Variants in NPSR1 observed in about 807,000 individuals in gnomAD.
NPSR1 encodes the protein neuropeptide S receptor 1.
NPSR1 carries 48 observed loss-of-function variants against 46.9 expected under a neutral mutation model. The ratio of observed to expected loss-of-function variants is 1.02; its 90% CI spans 0.81 to 1.30. NPSR1 has a LOEUF of 1.30. Ranked by LOEUF, NPSR1 falls within the 50% of genes most tolerant of loss-of-function variation. NPSR1 has a pLI of 0.00. For missense variants in NPSR1, 450 were observed against 449.5 expected (o/e 1.00, Z -0.01); for synonymous variants, 176 against 168.1 (o/e 1.05, Z -0.36).
At chr7:34,671,161 G>A (rs1385397231) in intron 1 of NPSR1, among the ~76,000 whole-genome samples, 4 of 150,458 alleles carry the variant, frequency 2.7e-5, no homozygotes, top group African/African-American at 5.0e-5. Context: ...ATTTCTCTTT[G>A]TGCAATGTTA....
intron 2 of NPSR1, among the ~76,000 whole-genome samples, chr7:34,734,416 G>A (rs148576619): frequency 3.3e-5 from 5 of 152,054 alleles, no homozygotes; most frequent in Non-Finnish European, 7.4e-5. Flanking sequence ...TGGAGAAACA[G>A]GCAGGCCTCA....
intron 1 of NPSR1, 120 bp from the exon 2 acceptor site, chr7:34,684,432 A>G (rs1346811830): frequency 3.1e-5 from 28 of 894,018 alleles, no homozygotes; most frequent in African/African-American, 5.1e-5. Flanking sequence ...TCTTGAGAGT[A>G]GAGCTTCCAA....
intron 4 of NPSR1, among the ~76,000 whole-genome samples, chr7:34,820,574 A>G (rs1789502725): frequency 6.6e-6 from 1 of 152,226 alleles, no homozygotes; most frequent in Non-Finnish European, 1.5e-5. Context: ...ATCAGTGACA[A>G]TGGACAAAGC....
chr7:34,831,475 G>A (rs558205589), intron 5 of NPSR1, among the ~76,000 whole-genome samples: 2 of 152,174 alleles, frequency 1.3e-5, no homozygotes, highest in South Asian at 4.2e-4. Flanking sequence ...AAGGAGGGGG[G>A]AAGAAAGGGA....
chr7:34,870,622 T>C (rs1377886555), intron 8 of NPSR1, among the ~76,000 whole-genome samples: 1 of 151,748 alleles, frequency 6.6e-6, no homozygotes, highest in Non-Finnish European at 1.5e-5. Context: ...ATAACTGAGT[T>C]AATGGGGTGC....
intron 2 of NPSR1, chr7:34,751,589 G>A (rs33913770): frequency 0.13 from 215,040 of 1,593,136 alleles, 15,829 homozygotes; most frequent in Non-Finnish European, 0.14. Flanking sequence ...TGTTCTTCCC[G>A]GAGAACTCGG....
At chr7:34,852,295 G>A (rs1314295185), downstream of NPSR1, among the ~76,000 whole-genome samples, 5 of 151,980 alleles carry the variant, frequency 3.3e-5, no homozygotes, top group Admixed American at 2.0e-4. Context: ...GCGAGAATCC[G>A]TCTCAAGGAA....
At chr7:34,737,133 C>T (rs1311472773) in intron 2 of NPSR1, among the ~76,000 whole-genome samples, 1 of 152,046 alleles carries the variant, frequency 6.6e-6, no homozygotes, top group Non-Finnish European at 1.5e-5. Context: ...ACCTTTGCTG[C>T]CAATATCAGC....
At chr7:34,861,433 T>C (rs1269465330) in intron 8 of NPSR1, among the ~76,000 whole-genome samples, 2 of 151,826 alleles carry the variant, frequency 1.3e-5, no homozygotes, top group Non-Finnish European at 2.9e-5. Context: ...TGTTTAATAC[T>C]GCAGCTGCCA....
chr7:34,698,301 ACTTTT>A lies in NPSR1; in HGVS notation c.280+13622_280+13626del, dbSNP rs965789695. 3.3e-4 allele frequency among the ~76,000 whole-genome samples: 51 copies of A among 152,270 alleles called. 1 individual carries two copies. Among genetic ancestry groups the A allele is most frequent in the African/African-American group, 1.2e-3 (48 of 41,564 alleles). The stretch of plus-strand genomic sequence containing the variant: ...AAATTATATACTTATGATTTTGTAT[ACTTTT>A]CTTTATGTGTTTTATTTCAATACAA... On this transcript the variant is annotated intron_variant, in intron 2 of 8. Coordinates refer to ENST00000360581, the MANE Select transcript of NPSR1 (RefSeq NM_207172.2).
chr7:34,697,805 A>G (rs2128693846), intron 2 of NPSR1, among the ~76,000 whole-genome samples: 1 of 152,140 alleles, frequency 6.6e-6, no homozygotes, highest in East Asian at 1.9e-4. Flanking sequence ...TTAAGACAGG[A>G]GAGAAAAAAT....
At chr7:34,676,251 T>A (rs182445626) in intron 1 of NPSR1, among the ~76,000 whole-genome samples, 1 of 152,290 alleles carries the variant, frequency 6.6e-6, no homozygotes, top group East Asian at 1.9e-4. Flanking sequence ...TCCATCTTCA[T>A]CATCTTATCT....
At chr7:34,848,810 C>T in intron 8 of NPSR1, 147 bp downstream of exon 8, 1 of 744,178 alleles carries the variant, frequency 1.3e-6, no homozygotes, top group Non-Finnish European at 2.2e-6. Context: ...AGAAAGATTC[C>T]ACTAACATGG....
At chr7:34,829,866 A>T (rs2128757493) in intron 5 of NPSR1, among the ~76,000 whole-genome samples, 1 of 152,314 alleles carries the variant, frequency 6.6e-6, no homozygotes, top group South Asian at 2.1e-4. Context: ...GGAAGGCCAG[A>T]TCCTAGCTCC....
At chr7:34,698,595 T>C (rs1241199661) in intron 2 of NPSR1, among the ~76,000 whole-genome samples, 1 of 152,188 alleles carries the variant, frequency 6.6e-6, no homozygotes, top group Non-Finnish European at 1.5e-5. Context: ...AACTGATATA[T>C]AAAATTTAAA....
chr7:34,867,054 C>T (rs985189397), intron 8 of NPSR1, among the ~76,000 whole-genome samples: 1 of 151,650 alleles, frequency 6.6e-6, no homozygotes, highest in African/African-American at 2.4e-5. Flanking sequence ...CTGAATAAGA[C>T]CCTTCCAAGC....
chr7:34,871,192 CAGA>C (rs1791444778), intron 8 of NPSR1, among the ~76,000 whole-genome samples: 1 of 151,620 alleles, frequency 6.6e-6, no homozygotes, highest in African/African-American at 2.4e-5. Flanking sequence ...ACAATAATGG[CAGA>C]AGGTGACAGG....
intron 4 of NPSR1, among the ~76,000 whole-genome samples, chr7:34,812,292 T>C (rs1336433203): frequency 6.6e-6 from 1 of 152,054 alleles, no homozygotes. Flanking sequence ...ATAGAAATAA[T>C]TGGAAAGATG....
chr7:34,711,416 T>C (rs980971442), intron 2 of NPSR1: 1 of 152,322 alleles, frequency 6.6e-6, no homozygotes, highest in Admixed American at 6.5e-5. Flanking sequence ...ACCACTCATT[T>C]TATAGAGGTG....
Sources: allele counts gnomAD v4.1 joint callset (sites outside exome capture counted in the v4.1 genomes callset), GRCh38; gene constraint gnomAD v4.1.1; transcripts MANE v1.5; gene names NCBI Gene and HGNC (gene_info 2026-07-23, HGNC 2026-07-21).